Variants in GRIN2A observed in about 807,000 individuals in gnomAD.
GRIN2A encodes glutamate ionotropic receptor NMDA type subunit 2A.
A neutral mutation model predicts 113.4 loss-of-function variants in GRIN2A; 22 were observed. The observed-to-expected ratio is 0.19, with a 90% CI of 0.14 to 0.28. The LOEUF (loss-of-function observed/expected upper bound fraction) is 0.28, where lower values mean the gene tolerates loss of function less well. Among genes scored for constraint, GRIN2A ranks in the 10% least tolerant of loss-of-function variants. GRIN2A has a pLI of 1.00. For missense variants in GRIN2A, 1,502 were observed against 1,887.0 expected, an observed-to-expected ratio of 0.80 and a Z score of 3.78; for synonymous variants, 827 against 738.4, an observed-to-expected ratio of 1.12 and a Z score of -1.94.
At chr16:9,947,076 T>G (rs2141661214) in intron 2 of GRIN2A, among the ~76,000 whole-genome samples, 1 of 152,356 alleles carries the variant, frequency 6.6e-6, no homozygotes, top group East Asian at 1.9e-4. Context: ...CTTCCTGAAC[T>G]TGAATCAGAA....
chr16:10,041,371 G>A (rs1015667786), intron 2 of GRIN2A, among the ~76,000 whole-genome samples: 1 of 152,124 alleles, frequency 6.6e-6, no homozygotes, highest in Non-Finnish European at 1.5e-5. Flanking sequence ...CTTCTGTAAA[G>A]GTTCAATAAA....
intron 2 of GRIN2A, among the ~76,000 whole-genome samples, chr16:10,086,507 G>C (rs2048087405): frequency 1.3e-5 from 2 of 150,752 alleles, no homozygotes; most frequent in Admixed American, 1.3e-4. Context: ...TTAACTGCAA[G>C]TGAGCAAATC....
chr16:9,953,416 G>A (rs958040046), intron 2 of GRIN2A, among the ~76,000 whole-genome samples: 3 of 152,174 alleles, frequency 2.0e-5, no homozygotes, highest in African/African-American at 7.2e-5. Flanking sequence ...AGTGAGCAAG[G>A]GTGGAAGTGA....
At chr16:10,052,035 C>G (rs2047368592) in intron 2 of GRIN2A, among the ~76,000 whole-genome samples, 1 of 152,178 alleles carries the variant, frequency 6.6e-6, no homozygotes, top group Admixed American at 6.5e-5. Flanking sequence ...AAGGGGGAAA[C>G]TACAGAATTA....
intron 2 of GRIN2A, among the ~76,000 whole-genome samples, chr16:9,978,750 T>C (rs150740251): frequency 2.6e-5 from 4 of 152,294 alleles, no homozygotes; most frequent in East Asian, 1.9e-4. Flanking sequence ...CCTTGGAAGA[T>C]GAAAGCAAGT....
At chr16:10,031,390 G>T (rs1355501734) in intron 2 of GRIN2A, 1 of 152,132 alleles carries the variant, frequency 6.6e-6, no homozygotes, top group Non-Finnish European at 1.5e-5. Flanking sequence ...CAGCCAATAT[G>T]CTCTAGTCTC....
chr16:9,991,568 G>A (rs973062683), intron 2 of GRIN2A, among the ~76,000 whole-genome samples: 4 of 151,916 alleles, frequency 2.6e-5, no homozygotes, highest in African/African-American at 9.7e-5. Flanking sequence ...CCTCACCTTC[G>A]AGTCTCCAGT....
chr16:9,973,538 T>G (rs151131905), intron 2 of GRIN2A, among the ~76,000 whole-genome samples: 1 of 152,016 alleles, frequency 6.6e-6, no homozygotes, highest in African/African-American at 2.4e-5. Flanking sequence ...AAAAAGAAAT[T>G]TGGTGAAAGA....
In GRIN2A at chr16:9,764,097, G is replaced by A. The variant is rs2141132170; in HGVS notation, c.3447C>T (p.Asp1149=). Reference sequence around the variant, plus strand: ...AGTTTTCACTGGGATCCTGGTAGGGGTCCGGGAAGTCCACGTTCTCGGGCA... The same window carrying A: ...AGTTTTCACTGGGATCCTGGTAGGGATCCGGGAAGTCCACGTTCTCGGGCA... ...VTLPENVDFP[D]PYQDPSENFR... is the part of the protein sequence containing the mutation. The change falls in exon 13 of 13, where the codon GAC becomes GAT. Residue 1149 remains aspartate (D), a synonymous_variant. Coordinates refer to ENST00000330684, the MANE Select transcript of GRIN2A (RefSeq NM_001134407.3). 6.2e-7 allele frequency: 1 copy of A among 1,613,798 alleles called. No individual in the cohort carries two copies. The highest frequency in any genetic ancestry group is 8.5e-7 in the Non-Finnish European group (1 of 1,179,772).
In GRIN2A at chr16:10,135,782, C is replaced by T. The variant is rs141171379; in HGVS notation, c.414+44216G>A. Among the ~76,000 whole-genome samples the T allele has an allele frequency of 5.1e-3, 775 of 152,300 alleles. 3 individuals are homozygous for T. The highest frequency in any genetic ancestry group is 8.5e-3 in the Non-Finnish European group (578 of 68,022). ...AGAAGCCTCAGCTCTACTCTTAAGG[C>T]ATCTGACTGATTGAATCAGGCCCAC... is the stretch of plus-strand genomic sequence containing the variant. On this transcript the variant is annotated intron_variant, in intron 2 of 12. Transcript: ENST00000330684.
intron 4 of GRIN2A, among the ~76,000 whole-genome samples, chr16:9,887,466 G>A (rs191619053): frequency 3.0e-4 from 45 of 152,124 alleles, no homozygotes; most frequent in African/African-American, 4.8e-5. Flanking sequence ...ATAATCTTTC[G>A]TGTCTTTCTT....
intron 4 of GRIN2A, among the ~76,000 whole-genome samples, chr16:9,885,182 TACC>T (rs1406956524): frequency 2.0e-5 from 3 of 152,116 alleles, no homozygotes; most frequent in Non-Finnish European, 4.4e-5. Context: ...GCATCCCTGG[TACC>T]TAATGAACTG....
At chr16:9,779,051 C>A (rs1260751503) in intron 11 of GRIN2A, among the ~76,000 whole-genome samples, 1 of 152,108 alleles carries the variant, frequency 6.6e-6, no homozygotes, top group East Asian at 1.9e-4. Context: ...AGAGTCAGCC[C>A]GAGAAAGAGA....
chr16:10,110,516 T>C (rs2048592368), intron 2 of GRIN2A, among the ~76,000 whole-genome samples: 1 of 152,130 alleles, frequency 6.6e-6, no homozygotes, highest in Non-Finnish European at 1.5e-5. Flanking sequence ...ATGAGGAAGC[T>C]ATTGGAGTGA....
At chr16:10,168,312 G>T (rs2049966042) in intron 2 of GRIN2A, among the ~76,000 whole-genome samples, 1 of 152,172 alleles carries the variant, frequency 6.6e-6, no homozygotes, top group Non-Finnish European at 1.5e-5. Flanking sequence ...ATGATGCAGG[G>T]ATTATAAATT....
At chr16:10,103,784 T>C (rs1163536293) in intron 2 of GRIN2A, among the ~76,000 whole-genome samples, 1 of 152,226 alleles carries the variant, frequency 6.6e-6, no homozygotes, top group Non-Finnish European at 1.5e-5. Context: ...TTTGTCTCTA[T>C]GGGCTCTACT....
chr16:9,850,667 A>G lies in GRIN2A; in HGVS notation c.1123-706T>C, dbSNP rs540282309. ...TGGGGAAATTAAAAGCATCATTTTG[A>G]CCCCAGATACAGTTCTATTTAAGTT... On this transcript the variant is annotated intron_variant, in intron 4 of 12. Coordinates refer to ENST00000330684, the MANE Select transcript of GRIN2A (RefSeq NM_001134407.3). Among the ~76,000 whole-genome samples, 11 of 152,146 alleles carry G rather than the reference A, an allele frequency of 7.2e-5. No homozygotes were observed. In the East Asian group the frequency reaches 2.1e-3, roughly 29 times the overall value.
rs558577104 is a variant in GRIN2A, at chr16:9,926,461, G to A, written c.1007+11498C>T. On this transcript the variant is annotated intron_variant, in intron 3 of 12. Coordinates refer to ENST00000330684, the MANE Select transcript of GRIN2A (RefSeq NM_001134407.3). ...GTAAGAATGTTTGACCAGTAATGCT[G>A]TAAGCATATAGGATAAGAGAGACCT... Among the ~76,000 whole-genome samples, 6 of 152,288 alleles carry A rather than the reference G, an allele frequency of 3.9e-5. 1 individual carries two copies. In the South Asian group the frequency reaches 1.2e-3, roughly 32 times the overall value.
chr16:9,929,250 TTCTC>T (rs1366379637), intron 3 of GRIN2A, among the ~76,000 whole-genome samples: 4 of 151,942 alleles, frequency 2.6e-5, no homozygotes, highest in African/African-American at 7.2e-5. Flanking sequence ...ACTCAGACTC[TTCTC>T]TCTGATTGCC....
Sources: allele counts gnomAD v4.1 joint callset (sites outside exome capture counted in the v4.1 genomes callset), GRCh38; gene constraint gnomAD v4.1.1; transcripts MANE v1.5; gene names NCBI Gene and HGNC (gene_info 2026-07-23, HGNC 2026-07-21).